The following OPCML variants were observed in gnomAD, a reference collection of about 807,000 sequenced individuals.
OPCML encodes the protein opioid binding protein/cell adhesion molecule like, also known as opioid-binding protein/cell adhesion molecule.
A neutral mutation model predicts 37.8 loss-of-function variants in OPCML; 13 were observed. That is an observed-to-expected ratio of 0.34 (90% CI 0.22 to 0.55). OPCML has a LOEUF of 0.55. OPCML is among the 20% of genes least tolerant of loss of function. OPCML has a pLI of 0.91. For synonymous variants in OPCML, 176 were observed against 168.8 expected (o/e 1.04, Z -0.33); for missense variants, 341 against 435.6 (o/e 0.78, Z 1.93).
At chr11:133,280,761 T>G (rs992766801) in intron 1 of OPCML, among the ~76,000 whole-genome samples, 1 of 152,178 alleles carries the variant, frequency 6.6e-6, no homozygotes, top group Non-Finnish European at 1.5e-5. Context: ...GCCTCTTAGA[T>G]CTTTCTTGAT....
At chr11:132,988,824 C>T (rs1011999732) in intron 1 of OPCML, among the ~76,000 whole-genome samples, 1 of 152,094 alleles carries the variant, frequency 6.6e-6, no homozygotes. Flanking sequence ...ATATAACTGA[C>T]AAAAATTAAT....
At chr11:132,880,369 C>T (rs1446733831) in intron 2 of OPCML, among the ~76,000 whole-genome samples, 1 of 152,182 alleles carries the variant, frequency 6.6e-6, no homozygotes, top group Admixed American at 6.5e-5. Context: ...TCACAAACTC[C>T]ACGGGCCTTA....
At chr11:132,900,068 A>G (rs1943995231) in intron 2 of OPCML, among the ~76,000 whole-genome samples, 1 of 151,972 alleles carries the variant, frequency 6.6e-6, no homozygotes, top group African/African-American at 2.4e-5. Context: ...ATCTCCTCCC[A>G]TTGATTTTTA....
At chr11:132,549,976 A>G (rs565830840) in intron 3 of OPCML, among the ~76,000 whole-genome samples, 20 of 152,250 alleles carry the variant, frequency 1.3e-4, no homozygotes, top group African/African-American at 4.8e-4. Flanking sequence ...CTGGTGCTCG[A>G]TAACAAACCC....
At chr11:132,826,917 G>T (rs1231166281) in intron 2 of OPCML, among the ~76,000 whole-genome samples, 1 of 152,102 alleles carries the variant, frequency 6.6e-6, no homozygotes, top group Non-Finnish European at 1.5e-5. Context: ...GGGATCCTAA[G>T]GAAGAAATAT....
At chr11:132,838,109 G>C (rs1450033832) in intron 2 of OPCML, among the ~76,000 whole-genome samples, 1 of 152,052 alleles carries the variant, frequency 6.6e-6, no homozygotes, top group Non-Finnish European at 1.5e-5. Context: ...TGTTCACTCT[G>C]GTATTTTCAT....
At chr11:133,466,017 C>A (rs1274623361) in intron 1 of OPCML, among the ~76,000 whole-genome samples, 1 of 152,170 alleles carries the variant, frequency 6.6e-6, no homozygotes, top group Non-Finnish European at 1.5e-5. Context: ...AAATAAATCA[C>A]CAGGTTTGGC....
At chr11:132,831,053 T>C in intron 2 of OPCML, among the ~76,000 whole-genome samples, 1 of 151,958 alleles carries the variant, frequency 6.6e-6, no homozygotes, top group Non-Finnish European at 1.5e-5. Flanking sequence ...GCTACCGTCA[T>C]ACACTCAGAT....
At chr11:133,410,351 C>T (rs2136864951) in intron 1 of OPCML, among the ~76,000 whole-genome samples, 1 of 152,230 alleles carries the variant, frequency 6.6e-6, no homozygotes, top group African/African-American at 2.4e-5. Context: ...TCCATAAGGT[C>T]TTGGTACACT....
Position 132,685,018 on chromosome 11 carries a change from G to A in OPCML, c.147-27699C>T, listed in dbSNP as rs146955492. On this transcript the variant is annotated intron_variant, in intron 2 of 7. Transcript: ENST00000524381. ...ATACTAAATTACCTGCAGAATGATT[G>A]TGTTTATGTAGAGCTTATTTTAAAT... Among the ~76,000 whole-genome samples, 448 of 152,298 alleles carry A rather than the reference G, an allele frequency of 2.9e-3. 3 individuals carry two copies. Among genetic ancestry groups the A allele is most frequent in the South Asian group, 5.0e-3 (24 of 4,830 alleles).
intron 2 of OPCML, among the ~76,000 whole-genome samples, chr11:132,871,637 T>A (rs1942798005): frequency 6.6e-6 from 1 of 152,186 alleles, no homozygotes; most frequent in African/African-American, 2.4e-5. Flanking sequence ...TTAGCTTCGG[T>A]CTCCCTCCAT....
intron 3 of OPCML, among the ~76,000 whole-genome samples, chr11:132,601,755 C>T (rs1937924047): frequency 6.6e-6 from 1 of 152,074 alleles, no homozygotes; most frequent in Admixed American, 6.6e-5. Flanking sequence ...ATAAACAACT[C>T]ATTAATTTTT....
At chr11:133,440,582 CT>C (rs1946342198) in intron 1 of OPCML, among the ~76,000 whole-genome samples, 1 of 150,532 alleles carries the variant, frequency 6.6e-6, no homozygotes, top group South Asian at 2.1e-4. Context: ...CAAAAATTAG[CT>C]GGGCATGGTG....
intron 4 of OPCML, among the ~76,000 whole-genome samples, chr11:132,454,732 CTA>C (rs2096077218): frequency 6.6e-6 from 1 of 152,184 alleles, no homozygotes; most frequent in South Asian, 2.1e-4. Context: ...CTAGCCTACT[CTA>C]TGGGAAACAG....
intron 1 of OPCML, among the ~76,000 whole-genome samples, chr11:133,344,522 C>T (rs1183266047): frequency 6.6e-6 from 1 of 152,166 alleles, no homozygotes; most frequent in African/African-American, 2.4e-5. Flanking sequence ...CGGCATCACA[C>T]CCTTGCTTCC....
chr11:132,819,887 T>C (rs1314336065), intron 2 of OPCML, among the ~76,000 whole-genome samples: 11 of 152,170 alleles, frequency 7.2e-5, no homozygotes, highest in Admixed American at 6.5e-4. Context: ...TTTGTGATGC[T>C]CTAGAGTCAG....
rs919929087 is a variant in OPCML at position 133,002,781 on chromosome 11, G to T, written c.62-59771C>A. Among the ~76,000 whole-genome samples, 24 of 152,010 alleles carry T rather than the reference G, an allele frequency of 1.6e-4. 1 individual carries two copies. Among genetic ancestry groups the T allele is most frequent in the Non-Finnish European group, 2.9e-4 (20 of 67,992 alleles). On this transcript the variant is annotated intron_variant, in intron 1 of 7. Transcript: ENST00000524381. The stretch of plus-strand genomic sequence containing the variant: ...AGAAGAAGGACAAAGGAAAGAGAGG[G>T]GGGGGTGGGAAGAGAAGAGAGATTG...
intron 1 of OPCML, among the ~76,000 whole-genome samples, chr11:133,325,716 C>A (rs1565572840): frequency 2.6e-5 from 4 of 152,122 alleles, no homozygotes; most frequent in Admixed American, 2.6e-4. Flanking sequence ...GACTACTTGC[C>A]AAGATGAGCA....
intron 2 of OPCML, among the ~76,000 whole-genome samples, chr11:132,885,599 G>A (rs931311357): frequency 1.3e-5 from 2 of 152,100 alleles, no homozygotes; most frequent in Non-Finnish European, 2.9e-5. Context: ...GGTATTTGGG[G>A]TAAAAGGGCT....
Sources: gnomAD v4.1 joint callset for allele counts (sites outside exome capture counted in the v4.1 genomes callset) on GRCh38, gnomAD v4.1.1 for gene constraint, MANE v1.5 for transcripts, NCBI Gene and HGNC (gene_info 2026-07-23, HGNC 2026-07-21) for gene names.